The following COL25A1 variants were observed in gnomAD, a reference collection of about 807,000 sequenced individuals.
The protein encoded by COL25A1 is collagen alpha-1(XXV) chain.
In COL25A1, 103 loss-of-function variants were observed where a neutral mutation model predicts 128.4. The observed-to-expected ratio is 0.80, with a 90% CI of 0.68 to 0.94. The LOEUF is 0.94. Among genes scored for constraint, COL25A1 ranks in the 40% least tolerant of loss-of-function variants. COL25A1 has a pLI of 0.00. For synonymous variants in COL25A1, 279 were observed against 277.2 expected (o/e 1.01, Z -0.06); for missense variants, 745 against 840.0 (o/e 0.89, Z 1.40).
intron 5 of COL25A1, among the ~76,000 whole-genome samples, chr4:109,025,159 T>G (rs1191142748): frequency 6.6e-6 from 1 of 152,226 alleles, no homozygotes; most frequent in Non-Finnish European, 1.5e-5. Context: ...TTTCACCAGC[T>G]GGCATGGAAT....
chr4:109,301,918 A>G lies in COL25A1; in HGVS notation c.102T>C (p.Cys34=). 1 of 1,614,122 alleles carries G rather than the reference A, an allele frequency of 6.2e-7. No homozygotes were observed. ...EQHCARTMPP[C]AVLAALLSVV... ...CTGACAGGAGGGCCGCCAGGACGGC[A>G]CACGGGGGCATGGTCCGGGCACAAT... is the stretch of plus-strand genomic sequence containing the variant. The change falls in exon 2 of 38, where the codon TGT becomes TGC. Residue 34 remains cysteine, a synonymous_variant. Coordinates refer to ENST00000399132, the MANE Select transcript of COL25A1 (RefSeq NM_198721.4).
At chr4:108,863,993 C>A (rs1048902869) in intron 20 of COL25A1, among the ~76,000 whole-genome samples, 2 of 152,152 alleles carry the variant, frequency 1.3e-5, no homozygotes, top group African/African-American at 2.4e-5. Context: ...TTGCAGATAG[C>A]CTGTTGTGGG....
intron 3 of COL25A1, among the ~76,000 whole-genome samples, chr4:109,223,407 C>A (rs535841597): frequency 4.5e-4 from 68 of 151,454 alleles, no homozygotes; most frequent in African/African-American, 1.0e-3. Context: ...TTCCCCCCCC[C>A]AAAAAAAACT....
intron 8 of COL25A1, among the ~76,000 whole-genome samples, chr4:108,972,065 G>A (rs184586361): frequency 1.1e-4 from 17 of 152,214 alleles, no homozygotes; most frequent in Admixed American, 1.0e-3. Flanking sequence ...GACACTTGGG[G>A]AGTCAAAGAG....
chr4:108,848,769 T>C lies in COL25A1; in HGVS notation c.1424A>G (p.Asp475Gly), dbSNP rs1560742759. 1 of 1,601,204 alleles carries C rather than the reference T, an allele frequency of 6.2e-7. No homozygotes were observed. Among genetic ancestry groups the C allele is most frequent in the Non-Finnish European group, 8.6e-7 (1 of 1,168,538 alleles). Residue 475 changes from aspartate (D) to glycine (G), a missense_variant, in exon 27 of 38, where the codon GAT becomes GGT. This residue lies in a region of COL25A1 where 387 missense variants were observed against 441.9 expected (regional missense o/e 0.88). Coordinates refer to ENST00000399132, the MANE Select transcript of COL25A1 (RefSeq NM_198721.4). ...ATCTTTGAAAATTACCTGCTCTCCA[T>C]CCATTCCTGGGATTCCTGGAGATCC... is the stretch of plus-strand genomic sequence containing the variant. ...EQGSPGIPGMDGEQGLKGSKG... is the reference protein window; with the variant it reads ...EQGSPGIPGMGGEQGLKGSKG...
chr4:109,118,846 A>G (rs1767848169), intron 3 of COL25A1, among the ~76,000 whole-genome samples: 1 of 152,064 alleles, frequency 6.6e-6, no homozygotes, highest in African/African-American at 2.4e-5. Flanking sequence ...TGAACTCAAC[A>G]GACCCATCAA....
chr4:108,950,807 G>A (rs927838351), intron 8 of COL25A1, among the ~76,000 whole-genome samples: 6 of 152,176 alleles, frequency 3.9e-5, no homozygotes, highest in South Asian at 4.1e-4. Flanking sequence ...CAAGTACAGC[G>A]AAAGAAGCTG....
At chr4:109,010,703 AAG>A (rs774257958) in intron 5 of COL25A1, among the ~76,000 whole-genome samples, 1 of 152,188 alleles carries the variant, frequency 6.6e-6, no homozygotes, top group Non-Finnish European at 1.5e-5. Flanking sequence ...GGGTTACTTA[AAG>A]AAAGAGTCTT....
chr4:109,294,798 T>C (rs1315632657), intron 3 of COL25A1, among the ~76,000 whole-genome samples: 1 of 152,132 alleles, frequency 6.6e-6, no homozygotes, highest in Admixed American at 6.6e-5. Flanking sequence ...ATTGATGTTA[T>C]TTGGATAAAT....
At chr4:109,002,658 TATA>T (rs749902510) in intron 6 of COL25A1, among the ~76,000 whole-genome samples, 88 of 152,322 alleles carry the variant, frequency 5.8e-4, no homozygotes, top group Non-Finnish European at 1.2e-3. Flanking sequence ...ATTTGATTGT[TATA>T]ATATTGCACA....
intron 3 of COL25A1, among the ~76,000 whole-genome samples, chr4:109,122,112 G>C (rs1415052890): frequency 1.3e-5 from 2 of 152,102 alleles, no homozygotes; most frequent in Admixed American, 6.6e-5. Flanking sequence ...TAGCTGCCAA[G>C]GGTTAGAGGA....
intron 3 of COL25A1, among the ~76,000 whole-genome samples, chr4:109,050,835 A>G (rs954798357): frequency 2.0e-4 from 30 of 152,048 alleles, no homozygotes; most frequent in African/African-American, 7.0e-4. Context: ...TTCAATAAAT[A>G]GTTAGCCTTT....
intron 26 of COL25A1, 135 bp from the exon 27 acceptor site, chr4:108,848,938 T>G (rs920109964): frequency 1.5e-6 from 1 of 659,342 alleles, no homozygotes; most frequent in Non-Finnish European, 2.7e-6. Context: ...AATATTCTAT[T>G]ATAGCACATA....
At chr4:108,942,160 T>G in intron 8 of COL25A1, 1 of 1,532,414 alleles carries the variant, frequency 6.5e-7, no homozygotes, top group Non-Finnish European at 8.8e-7. Flanking sequence ...TGCTCACGCT[T>G]ATGCTGATTG....
At chr4:109,031,879 C>T (rs1320281385) in intron 5 of COL25A1, among the ~76,000 whole-genome samples, 1 of 152,168 alleles carries the variant, frequency 6.6e-6, no homozygotes, top group African/African-American at 2.4e-5. Context: ...CACCTCTTTC[C>T]AAAGCTTTGT....
intron 3 of COL25A1, among the ~76,000 whole-genome samples, chr4:109,153,100 T>C (rs1400229698): frequency 2.6e-5 from 4 of 152,126 alleles, no homozygotes; most frequent in African/African-American, 9.7e-5. Context: ...ACAAAAGTAC[T>C]CTGGGCCGGG....
chr4:108,991,644 C>A (rs1434374540), intron 6 of COL25A1, among the ~76,000 whole-genome samples: 1 of 123,658 alleles, frequency 8.1e-6, no homozygotes, highest in Non-Finnish European at 1.7e-5. Flanking sequence ...GTGTAGTGAG[C>A]AAAATACTTT....
chr4:109,225,520 G>A (rs1438805543), intron 3 of COL25A1, among the ~76,000 whole-genome samples: 5 of 152,200 alleles, frequency 3.3e-5, no homozygotes, highest in African/African-American at 7.2e-5. Flanking sequence ...AATTAGTACC[G>A]CCTCTATGGA....
intron 3 of COL25A1, among the ~76,000 whole-genome samples, chr4:109,218,624 C>A (rs1356238945): frequency 6.6e-6 from 1 of 151,832 alleles, no homozygotes; most frequent in Non-Finnish European, 1.5e-5. Flanking sequence ...GGTAAATATT[C>A]TTACCCAATG....
Sources: gnomAD v4.1 joint callset for allele counts (sites outside exome capture counted in the v4.1 genomes callset) on GRCh38, gnomAD v4.1.1 for gene constraint, gnomAD v4.1.1 regional missense constraint, MANE v1.5 for transcripts, NCBI Gene and HGNC (gene_info 2026-07-23, HGNC 2026-07-21) for gene names.